Variants in GOLGA7B observed in about 807,000 individuals in gnomAD.
GOLGA7B encodes the protein golgin subfamily A member 7B.
Under a neutral mutation model 21.5 loss-of-function variants are expected in GOLGA7B, and 17 were observed. The observed-to-expected ratio is 0.79, with a 90% confidence interval of 0.54 to 1.19. The LOEUF (loss-of-function observed/expected upper bound fraction) is 1.19, where lower values mean the gene tolerates loss of function less well. Among genes scored for constraint, GOLGA7B ranks in the 50% most tolerant of loss-of-function variants. GOLGA7B has a pLI of 0.00. For synonymous variants in GOLGA7B, 87 were observed against 84.0 expected (o/e 1.04, Z -0.19); for missense variants, 169 against 224.4 (o/e 0.75, Z 1.58).
intron 1 of GOLGA7B, among the ~76,000 whole-genome samples, chr10:97,857,463 A>G (rs2136514623): frequency 6.6e-6 from 1 of 152,218 alleles, no homozygotes; most frequent in Admixed American, 6.5e-5. Flanking sequence ...TGATGAAAGA[A>G]ATCGTAGATA....
In GOLGA7B at chr10:97,866,676, CTG is replaced by C. The variant is rs1184826349; in HGVS notation, c.*984_*985del. 1.3e-5 allele frequency: 2 copies of C among 152,218 alleles called. No individual in the cohort carries two copies. Among genetic ancestry groups the C allele is most frequent in the African/African-American group, 4.8e-5 (2 of 41,436 alleles). The allele number at this position is 152,218 out of a possible 1,614,324, so 9.4% of individuals were successfully genotyped here. On this transcript the variant is annotated 3_prime_UTR_variant, in exon 5 of 5. Transcript: ENST00000370602. ...AATGTGGACACATTTATAAGCACAC[CTG>C]TGTGTGTCTGAGTACATGTGCACAC...
At chr10:97,851,026 G>A (rs1305903411) in intron 1 of GOLGA7B, among the ~76,000 whole-genome samples, 3 of 151,990 alleles carry the variant, frequency 2.0e-5, no homozygotes, top group African/African-American at 4.8e-5. Context: ...GCTTGAGGTC[G>A]AGGATTCCCC....
Position 97,850,326 on chromosome 10 carries a change from GC to G in GOLGA7B, c.12+12del, listed in dbSNP as rs2049897082. ...ATCATGGCCACCGAGGTAGGGGCGAGCGCCCCACCCGCAGGCAGTGCCCGAT... is the reference window on the plus strand; with the variant it reads ...ATCATGGCCACCGAGGTAGGGGCGAGGCCCCACCCGCAGGCAGTGCCCGAT... On this transcript the variant is annotated intron_variant, in intron 1 of 4. Transcript: ENST00000370602. The G allele has an allele frequency of 6.6e-7, 1 of 1,514,600 alleles. No homozygotes were observed. Among genetic ancestry groups the G allele is most frequent in the African/African-American group, 1.4e-5 (1 of 70,580 alleles). The allele number at this position is 1,514,600 out of a possible 1,614,324, so 93.8% of individuals were successfully genotyped here. A position where few individuals can be genotyped will look rare whatever the true frequency, so the allele number is the denominator to read the frequency against.
Position 97,865,669 on chromosome 10 carries a change from G to A in GOLGA7B, c.473G>A (p.Ser158Asn). Residue 158 changes from serine (S) to asparagine (N), a missense_variant, in exon 5 of 5, where the codon AGC (serine) becomes AAC (asparagine). Physicochemically the swap from Ser to Asn is conservative, Grantham distance 46 (BLOSUM62 1). Transcript: ENST00000370602. ...SGSSSGSGSSSGGGGGAGAR is the reference protein window; with the variant it reads ...SGSSSGSGSSNGGGGGAGAR ...AGCAGCAGCGGCAGTGGCAGCAGCAGCGGTGGGGGTGGTGGGGCGGGGGCC... is the reference window on the plus strand; with the variant it reads ...AGCAGCAGCGGCAGTGGCAGCAGCAACGGTGGGGGTGGTGGGGCGGGGGCC... 6.2e-7 allele frequency: 1 copy of A among 1,609,928 alleles called. No individual in the cohort carries two copies. Among genetic ancestry groups the A allele is most frequent in the Non-Finnish European group, 8.5e-7 (1 of 1,178,164 alleles).
At position 97,871,531 on chromosome 10, in the gene GOLGA7B, A is replaced by G. The variant is rs2050093506; in HGVS notation, c.*5831A>G. On this transcript the variant is annotated 3_prime_UTR_variant, in exon 5 of 5. Coordinates refer to ENST00000370602, the MANE Select transcript of GOLGA7B (RefSeq NM_001010917.3). The stretch of plus-strand genomic sequence containing the variant: ...TCTGGCATAGAATAAACAGATATTT[A>G]TCCAAGGGTTCACTGATTCCCGAAT... The G allele has an allele frequency of 6.6e-6, 1 of 152,248 alleles. No individual in the cohort carries two copies. The highest frequency in any genetic ancestry group is 6.5e-5 in the Admixed American group (1 of 15,290). 9.4% of individuals were successfully genotyped at this position (152,248 alleles called of 1,614,324 possible). A position where few individuals can be genotyped will look rare whatever the true frequency, so the allele number is the denominator to read the frequency against.
In GOLGA7B at chr10:97,866,743, T is replaced by C. The variant is rs1200250922; in HGVS notation, c.*1043T>C. 1 of 152,230 alleles carries C rather than the reference T, an allele frequency of 6.6e-6. No homozygotes were observed. Among genetic ancestry groups the C allele is most frequent in the East Asian group, 1.9e-4 (1 of 5,194 alleles). 9.4% of individuals were successfully genotyped at this position (152,230 alleles called of 1,614,324 possible). Reference sequence around the variant, plus strand: ...GTGCATTTATATGAGTGTGAGTGCATGCATGTGCATGAACATGTGTGCACA... The same window carrying C: ...GTGCATTTATATGAGTGTGAGTGCACGCATGTGCATGAACATGTGTGCACA... On this transcript the variant is annotated 3_prime_UTR_variant, in exon 5 of 5. Coordinates refer to ENST00000370602, the MANE Select transcript of GOLGA7B (RefSeq NM_001010917.3).
chr10:97,864,832 G>A (rs1027606838), intron 4 of GOLGA7B, among the ~76,000 whole-genome samples: 12 of 152,188 alleles, frequency 7.9e-5, no homozygotes, highest in Admixed American at 4.6e-4. Flanking sequence ...GAGGCTGGAC[G>A]GGGGTGGGGC....
intron 1 of GOLGA7B, among the ~76,000 whole-genome samples, chr10:97,857,003 A>G (rs932831276): frequency 3.3e-5 from 5 of 152,092 alleles, no homozygotes; most frequent in Non-Finnish European, 7.4e-5. Context: ...TAATTTGCAA[A>G]TATTTTCTCC....
Position 97,860,774 on chromosome 10 carries a change from C to T in GOLGA7B, c.138+1191C>T, listed in dbSNP as rs144527558. Among the ~76,000 whole-genome samples, 1,374 of 152,282 alleles carry T rather than the reference C, an allele frequency of 9.0e-3. 23 individuals carry two copies. Among genetic ancestry groups the T allele is most frequent in the African/African-American group, 0.031 (1,297 of 41,548 alleles). ...TTCAGCTGGTCTTCTTCAGAAACAG[C>T]GCTGCTTCTCATCCTTGGCTACACC... On this transcript the variant is annotated intron_variant, in intron 2 of 4. Coordinates refer to ENST00000370602, the MANE Select transcript of GOLGA7B (RefSeq NM_001010917.3).
chr10:97,861,590 T>C (rs535093748), intron 2 of GOLGA7B, among the ~76,000 whole-genome samples: 3 of 152,352 alleles, frequency 2.0e-5, no homozygotes, highest in African/African-American at 7.2e-5. Context: ...TGAGTTTTGC[T>C]TCTGGTCCAG....
intron 2 of GOLGA7B, among the ~76,000 whole-genome samples, chr10:97,862,125 C>T (rs1430640392): frequency 6.6e-6 from 1 of 152,212 alleles, no homozygotes; most frequent in Non-Finnish European, 1.5e-5. Flanking sequence ...TGGTGTTACA[C>T]AGTGAAGAGC....
rs1173184794 is a variant in GOLGA7B at position 97,859,689 on chromosome 10, C to G, written c.138+106C>G. 3.4e-6 allele frequency: 4 copies of G among 1,180,790 alleles called. No homozygotes were observed. In the East Asian group the frequency reaches 9.8e-5, roughly 29 times the overall value. The allele number at this position is 1,180,790 out of a possible 1,614,324, so 73.1% of individuals were successfully genotyped here. On this transcript the variant is annotated intron_variant, in intron 2 of 4. Coordinates refer to ENST00000370602, the MANE Select transcript of GOLGA7B (RefSeq NM_001010917.3). Reference sequence around the variant, plus strand: ...TCCTATGACACATAATATCATAGGACACGTAACATGTTTGGCCACTTCAAA... The same window carrying G: ...TCCTATGACACATAATATCATAGGAGACGTAACATGTTTGGCCACTTCAAA...
intron 2 of GOLGA7B, 135 bp from the exon 3 acceptor site, chr10:97,863,795 C>A: frequency 2.1e-6 from 2 of 949,098 alleles, no homozygotes; most frequent in Non-Finnish European, 3.1e-6. Flanking sequence ...CTGCCTGCAG[C>A]CTCTTTGGTC....
chr10:97,859,369 G>C, intron 1 of GOLGA7B, 89 bp from the exon 2 acceptor site: 1 of 1,345,044 alleles, frequency 7.4e-7, no homozygotes, highest in Non-Finnish European at 1.0e-6. Context: ...GTTAGTGCTG[G>C]AAGACCTGCA....
chr10:97,850,327 C>T lies in GOLGA7B; in HGVS notation c.12+12C>T. 2 of 1,512,610 alleles carry T rather than the reference C, an allele frequency of 1.3e-6. No individual in the cohort carries two copies. Among genetic ancestry groups the T allele is most frequent in the Non-Finnish European group, 8.8e-7 (1 of 1,131,142 alleles). The allele number at this position is 1,512,610 out of a possible 1,614,324, so 93.7% of individuals were successfully genotyped here. A position where few individuals can be genotyped will look rare whatever the true frequency, so the allele number is the denominator to read the frequency against. On this transcript the variant is annotated intron_variant, in intron 1 of 4. Coordinates refer to ENST00000370602, the MANE Select transcript of GOLGA7B (RefSeq NM_001010917.3). ...TCATGGCCACCGAGGTAGGGGCGAG[C>T]GCCCCACCCGCAGGCAGTGCCCGAT...
chr10:97,853,307 T>C (rs1484348146), intron 1 of GOLGA7B, among the ~76,000 whole-genome samples: 6 of 152,210 alleles, frequency 3.9e-5, no homozygotes, highest in Non-Finnish European at 7.3e-5. Context: ...ATGCCTCACA[T>C]GCATCCTATG....
chr10:97,851,652 G>T (rs2049906577), intron 1 of GOLGA7B, among the ~76,000 whole-genome samples: 1 of 152,258 alleles, frequency 6.6e-6, no homozygotes, highest in Admixed American at 6.5e-5. Flanking sequence ...CTGCCAGACT[G>T]CAGCAGAGGC....
Position 97,851,683 on chromosome 10 carries a change from G to A in GOLGA7B, c.12+1368G>A, listed in dbSNP as rs920838702. On this transcript the variant is annotated intron_variant, in intron 1 of 4. Transcript: ENST00000370602. ...GAGGCTGCTGTGTTGGACAGAAAAG[G>A]GGAACTTCAGCTACATGGGCATGGC... Among the ~76,000 whole-genome samples, 8 of 152,376 alleles carry A rather than the reference G, an allele frequency of 5.3e-5. No homozygotes were observed. The South Asian group carries it at 8.3e-4, about 16-fold the overall frequency.
chr10:97,855,967 GT>G (rs1413636820), intron 1 of GOLGA7B, among the ~76,000 whole-genome samples: 1 of 152,196 alleles, frequency 6.6e-6, no homozygotes, highest in Non-Finnish European at 1.5e-5. Context: ...CACATATAGT[GT>G]TTTTGGATTC....
Sources: gnomAD v4.1 joint callset for allele counts (sites outside exome capture counted in the v4.1 genomes callset) on GRCh38, gnomAD v4.1.1 for gene constraint, MANE v1.5 for transcripts, NCBI Gene and HGNC (gene_info 2026-07-23, HGNC 2026-07-21) for gene names.